The following CDKL2 variants were observed in gnomAD, a reference collection of about 807,000 sequenced individuals.
CDKL2 encodes the protein cyclin-dependent kinase-like 2.
Under a neutral mutation model 63.9 loss-of-function variants are expected in CDKL2, and 64 were observed. The observed-to-expected ratio is 1.00, with a 90% confidence interval of 0.82 to 1.23. CDKL2 has a LOEUF of 1.23. CDKL2 is among the 50% of genes most tolerant of loss of function. The pLI, the probability that CDKL2 is intolerant of heterozygous loss-of-function variation, is 0.00. For synonymous variants in CDKL2, 211 were observed against 229.2 expected, an observed-to-expected ratio of 0.92 and a Z score of 0.72; for missense variants, 656 against 668.0, an observed-to-expected ratio of 0.98 and a Z score of 0.20.
chr4:75,580,526 G>A (rs894679758), intron 13 of CDKL2, among the ~76,000 whole-genome samples: 1 of 151,190 alleles, frequency 6.6e-6, no homozygotes, highest in Admixed American at 6.6e-5. Context: ...AATTAGCCGG[G>A]CTTTGTGGCA....
chr4:75,598,966 A>C (rs1429874961), intron 7 of CDKL2, among the ~76,000 whole-genome samples: 1 of 152,226 alleles, frequency 6.6e-6, no homozygotes, highest in Non-Finnish European at 1.5e-5. Context: ...TTTTATGCAA[A>C]AATTACAATT....
chr4:75,580,541 C>T (rs1728214167), intron 13 of CDKL2, among the ~76,000 whole-genome samples: 2 of 151,148 alleles, frequency 1.3e-5, no homozygotes, highest in Admixed American at 6.6e-5. Flanking sequence ...GTGGCACACA[C>T]GTGTGGCCCC....
rs1235989602 is a variant in CDKL2, at chr4:75,614,457, T to G, written c.169-8A>C. On this transcript the variant is annotated splice_polypyrimidine_tract_variant and splice_region_variant and intron_variant, in intron 2 of 13. Transcript: ENST00000307465. ...GTTTTCATGCCTAAGTTGCTGTTAT[T>G]AAAAAATGCAAAATAGCTGTTATTT... The G allele has an allele frequency of 6.5e-7, 1 of 1,531,404 alleles. No individual in the cohort carries two copies. Among genetic ancestry groups the G allele is most frequent in the Non-Finnish European group, 8.8e-7 (1 of 1,135,646 alleles). The allele number at this position is 1,531,404 out of a possible 1,614,324, so 94.9% of individuals were successfully genotyped here. A position where few individuals can be genotyped will look rare whatever the true frequency, so the allele number is the denominator to read the frequency against.
At chr4:75,598,346 C>G (rs1729033421) in intron 7 of CDKL2, 134 bp from the exon 8 acceptor site, 1 of 471,898 alleles carries the variant, frequency 2.1e-6, no homozygotes, top group African/African-American at 2.1e-5. Context: ...AAAATCCTGG[C>G]CTAGATCAGC....
chr4:75,581,731 G>GA lies in CDKL2; in HGVS notation c.*23+78dup, dbSNP rs775831218. ...TCAATCACTGGAGACGGTTTCAGCTGAAAAATTGGTATTCAGCAAGCCACA... is the reference window on the plus strand; with the variant it reads ...TCAATCACTGGAGACGGTTTCAGCTGAAAAAATTGGTATTCAGCAAGCCACA... On this transcript the variant is annotated intron_variant, in intron 13 of 13. Transcript: ENST00000307465. The GA allele has an allele frequency of 1.7e-4, 121 of 712,376 alleles. 1 individual carries two copies. Among genetic ancestry groups the GA allele is most frequent in the Non-Finnish European group, 2.1e-4 (87 of 408,174 alleles). The allele number at this position is 712,376 out of a possible 1,614,324, so 44.1% of individuals were successfully genotyped here.
intron 2 of CDKL2, among the ~76,000 whole-genome samples, chr4:75,620,016 C>T (rs986183541): frequency 1.6e-4 from 24 of 152,048 alleles, no homozygotes; most frequent in Admixed American, 1.3e-3. Context: ...GAGACCCTGT[C>T]TCCACAAAAA....
intron 13 of CDKL2, among the ~76,000 whole-genome samples, chr4:75,580,385 G>T (rs1728208249): frequency 6.6e-6 from 1 of 152,136 alleles, no homozygotes; most frequent in Non-Finnish European, 1.5e-5. Context: ...GGTCTGATTG[G>T]CCAGACATGG....
chr4:75,604,117 G>A (rs1164276046), intron 5 of CDKL2, among the ~76,000 whole-genome samples, 161 bp from the exon 6 acceptor site: 1 of 152,078 alleles, frequency 6.6e-6, no homozygotes, highest in African/African-American at 2.4e-5. Context: ...TTACTGTGGT[G>A]GTATATGGCA....
At chr4:75,584,268 T>C (rs1728377989) in intron 12 of CDKL2, among the ~76,000 whole-genome samples, 2 of 152,294 alleles carry the variant, frequency 1.3e-5, no homozygotes, top group African/African-American at 4.8e-5. Flanking sequence ...CCACTGTTGC[T>C]GGTTTTGAAG....
At chr4:75,589,733 C>T (rs1420210432) in intron 12 of CDKL2, among the ~76,000 whole-genome samples, 1 of 151,898 alleles carries the variant, frequency 6.6e-6, no homozygotes, top group Non-Finnish European at 1.5e-5. Flanking sequence ...TAACACTTCA[C>T]GTTTAATTGT....
intron 6 of CDKL2, among the ~76,000 whole-genome samples, chr4:75,602,388 C>T (rs1345113558): frequency 6.6e-6 from 1 of 152,120 alleles, no homozygotes; most frequent in Non-Finnish European, 1.5e-5. Flanking sequence ...CCATCTTGGC[C>T]AGGATGGTCT....
chr4:75,595,990 AAGG>A, intron 10 of CDKL2: 1 of 308,224 alleles, frequency 3.2e-6, no homozygotes, highest in Non-Finnish European at 5.6e-6. Flanking sequence ...GGAAGGAAGG[AAGG>A]AAGGAAGGAA....
chr4:75,595,484 G>C (rs948701877), intron 10 of CDKL2, among the ~76,000 whole-genome samples: 4 of 151,892 alleles, frequency 2.6e-5, no homozygotes, highest in Non-Finnish European at 1.5e-5. Flanking sequence ...CAAAGTGCTG[G>C]GATTATAGAT....
intron 12 of CDKL2, among the ~76,000 whole-genome samples, chr4:75,585,887 G>A (rs1728457414): frequency 6.6e-6 from 1 of 152,116 alleles, no homozygotes; most frequent in Non-Finnish European, 1.5e-5. Flanking sequence ...AAAATTAAGA[G>A]CATAGATGAC....
intron 1 of CDKL2, among the ~76,000 whole-genome samples, chr4:75,628,938 A>C (rs899272823): frequency 2.6e-5 from 4 of 152,120 alleles, no homozygotes; most frequent in African/African-American, 9.7e-5. Flanking sequence ...CATCGACTTA[A>C]ATTATTATTT....
At chr4:75,580,624 G>A (rs934200196) in intron 13 of CDKL2, among the ~76,000 whole-genome samples, 61 of 150,468 alleles carry the variant, frequency 4.1e-4, no homozygotes, top group Admixed American at 2.3e-3. Flanking sequence ...CCGAGATCAC[G>A]CCACTGCACT....
At chr4:75,585,089 A>G (rs1204370098) in intron 12 of CDKL2, among the ~76,000 whole-genome samples, 4 of 152,210 alleles carry the variant, frequency 2.6e-5, no homozygotes, top group African/African-American at 4.8e-5. Flanking sequence ...GGGTGAAAGT[A>G]AATGAAATCA....
At chr4:75,623,440 G>A (rs112032070) in intron 2 of CDKL2, among the ~76,000 whole-genome samples, 1,791 of 152,302 alleles carry the variant, frequency 0.012, 38 homozygotes, top group African/African-American at 0.042. Context: ...TTCAATAAAT[G>A]TTTCTGGGAC....
chr4:75,591,784 G>A lies in CDKL2; in HGVS notation c.1647+35C>T, dbSNP rs145180625. 722 of 1,386,748 alleles carry A rather than the reference G, an allele frequency of 5.2e-4. 6 individuals are homozygous for A. The African/African-American group carries it at 9.5e-3, about 18-fold the overall frequency. 85.9% of individuals were successfully genotyped at this position (1,386,748 alleles called of 1,614,324 possible). A position where few individuals can be genotyped will look rare whatever the true frequency, so the allele number is the denominator to read the frequency against. ...TTACTAGTAAGTAAGAGAGAGACCC[G>A]AGTTCTGTCCATCCTATAAAGAGTA... On this transcript the variant is annotated intron_variant, in intron 12 of 13. Transcript: ENST00000307465.
Sources: gnomAD v4.1 joint callset for allele counts (sites outside exome capture counted in the v4.1 genomes callset) on GRCh38, gnomAD v4.1.1 for gene constraint, MANE v1.5 for transcripts, NCBI Gene and HGNC (gene_info 2026-07-23, HGNC 2026-07-21) for gene names.